Variants in INPP5F observed in about 807,000 individuals in gnomAD.
INPP5F encodes phosphatidylinositide 4-phosphatase SAC2.
In INPP5F, 97 loss-of-function variants were observed where a neutral mutation model predicts 137.2. That is an observed-to-expected ratio of 0.71 (90% CI 0.60 to 0.84). The LOEUF (loss-of-function observed/expected upper bound fraction) is 0.84. Ranked by LOEUF, INPP5F falls within the 40% of genes least tolerant of loss-of-function variation. The probability of loss-of-function intolerance (pLI) is 0.00; values close to 1 mark genes in which losing one functional copy is unlikely to be tolerated. For synonymous variants in INPP5F, 504 were observed against 476.9 expected, an observed-to-expected ratio of 1.06 and a Z score of -0.74; for missense variants, 1,271 against 1,371.9, an observed-to-expected ratio of 0.93 and a Z score of 1.16.
intron 18 of INPP5F, 53 bp from the exon 19 acceptor site, chr10:119,823,762 T>A: frequency 1.4e-6 from 2 of 1,412,028 alleles, no homozygotes; most frequent in South Asian, 2.4e-5. Context: ...GAACTGCTAT[T>A]TTTTTTAGTA....
chr10:119,768,147 GTATTTAAA>G, intron 2 of INPP5F: 1 of 152,196 alleles, frequency 6.6e-6, no homozygotes, highest in South Asian at 2.1e-4. Flanking sequence ...AGAAATGTTT[GTATTTAAA>G]TATTATGCTA....
chr10:119,726,781 C>T (rs1372904968), intron 1 of INPP5F, among the ~76,000 whole-genome samples: 3 of 152,254 alleles, frequency 2.0e-5, no homozygotes, highest in East Asian at 1.9e-4. Flanking sequence ...GCGGTTGCGC[C>T]AGTTCCGTCT....
At chr10:119,792,112 C>T in intron 5 of INPP5F, 45 bp from the exon 6 acceptor site, 1 of 1,614,058 alleles carries the variant, frequency 6.2e-7, no homozygotes, top group East Asian at 2.2e-5. Context: ...TGTAGGAAAA[C>T]TGAAATAATG....
chr10:119,811,967 T>A lies in INPP5F; in HGVS notation c.1886+12T>A. 1 of 1,610,212 alleles carries A rather than the reference T, an allele frequency of 6.2e-7. No individual in the cohort carries two copies. Among genetic ancestry groups the A allele is most frequent in the Non-Finnish European group, 8.5e-7 (1 of 1,176,650 alleles). On this transcript the variant is annotated intron_variant, in intron 15 of 19. Coordinates refer to ENST00000650623, the MANE Select transcript of INPP5F (RefSeq NM_014937.4). ...GACTGTGACCCTAGGTGAGTTGGAG[T>A]GGTGTCCAGGTGACCAGCTTGCTTA... is the stretch of plus-strand genomic sequence containing the variant.
chr10:119,753,488 T>C (rs1335712180), intron 2 of INPP5F, among the ~76,000 whole-genome samples: 3 of 152,200 alleles, frequency 2.0e-5, no homozygotes, highest in Non-Finnish European at 4.4e-5. Flanking sequence ...GCTGGGGTCA[T>C]TCACGTAGCA....
intron 2 of INPP5F, among the ~76,000 whole-genome samples, chr10:119,774,366 T>C (rs1011807569): frequency 2.6e-5 from 4 of 151,974 alleles, no homozygotes; most frequent in Admixed American, 2.6e-4. Flanking sequence ...AAGTTTGAAA[T>C]GTTGAACCTG....
At position 119,726,053 on chromosome 10, in the gene INPP5F, A is replaced by G; in HGVS notation, c.-210A>G. The G allele has an allele frequency of 2.8e-6, 1 of 354,986 alleles. No homozygotes were observed. The highest frequency in any genetic ancestry group is 5.0e-6 in the Non-Finnish European group (1 of 198,954). 22.0% of individuals were successfully genotyped at this position (354,986 alleles called of 1,614,324 possible). A position where few individuals can be genotyped will look rare whatever the true frequency, so the allele number is the denominator to read the frequency against. ...AGGGAAGGGGAGGAGCGGGGGGGAG[A>G]GGCCTCTACGGCCGCCGCTGCCGCC... On this transcript the variant is annotated 5_prime_UTR_variant, in exon 1 of 20. Transcript: ENST00000650623.
chr10:119,794,425 A>G (rs1173852442), intron 6 of INPP5F, among the ~76,000 whole-genome samples: 1 of 152,046 alleles, frequency 6.6e-6, no homozygotes, highest in Non-Finnish European at 1.5e-5. Flanking sequence ...ACCTCTTTCT[A>G]CACAGACACG....
intron 11 of INPP5F, 118 bp downstream of exon 11, chr10:119,805,579 C>A: frequency 1.4e-6 from 1 of 707,324 alleles, no homozygotes; most frequent in Non-Finnish European, 2.4e-6. Context: ...GTTTTGCTTC[C>A]CAGTTCCTAT....
At chr10:119,749,130 C>A (rs988214559) in intron 1 of INPP5F, among the ~76,000 whole-genome samples, 1 of 152,232 alleles carries the variant, frequency 6.6e-6, no homozygotes, top group African/African-American at 2.4e-5. Context: ...GTGCTGGGAG[C>A]AGGGAGAGAG....
At chr10:119,821,357 T>TGC (rs1851553957) in intron 16 of INPP5F, among the ~76,000 whole-genome samples, 1 of 151,902 alleles carries the variant, frequency 6.6e-6, no homozygotes, top group African/African-American at 2.4e-5. Flanking sequence ...TGTGTGTGTG[T>TGC]GTGCATGTGC....
chr10:119,735,987 G>A (rs1373836769), intron 1 of INPP5F, among the ~76,000 whole-genome samples: 4 of 152,152 alleles, frequency 2.6e-5, no homozygotes, highest in African/African-American at 4.8e-5. Flanking sequence ...AAAATTAGGC[G>A]GGTGTGGTGG....
intron 3 of INPP5F, among the ~76,000 whole-genome samples, chr10:119,782,177 A>G (rs1206793488): frequency 1.3e-5 from 2 of 152,236 alleles, no homozygotes; most frequent in Non-Finnish European, 2.9e-5. Context: ...AAAATTTTCT[A>G]AGCATATATT....
chr10:119,798,526 G>A lies in INPP5F; in HGVS notation c.1049-17G>A. 4 of 1,593,734 alleles carry A rather than the reference G, an allele frequency of 2.5e-6. No individual in the cohort carries two copies. Among genetic ancestry groups the A allele is most frequent in the African/African-American group, 1.3e-5 (1 of 74,404 alleles). ...AACATGGGAAGGAAAAAAAGATTTTGTATCACTTCTTTGTAGGTGAAAAGG... is the reference window on the plus strand; with the variant it reads ...AACATGGGAAGGAAAAAAAGATTTTATATCACTTCTTTGTAGGTGAAAAGG... On this transcript the variant is annotated splice_polypyrimidine_tract_variant and intron_variant, in intron 8 of 19. Coordinates refer to ENST00000650623, the MANE Select transcript of INPP5F (RefSeq NM_014937.4).
intron 2 of INPP5F, among the ~76,000 whole-genome samples, chr10:119,769,829 T>A (rs1849285323): frequency 6.6e-6 from 1 of 152,172 alleles, no homozygotes; most frequent in Non-Finnish European, 1.5e-5. Flanking sequence ...CACCACAGGC[T>A]TTTCTGGTTC....
rs1447939806 is a variant in INPP5F, at chr10:119,797,653, A to G, written c.1048+13A>G. The G allele has an allele frequency of 1.9e-6, 3 of 1,575,264 alleles. No individual in the cohort carries two copies. The highest frequency in any genetic ancestry group is 1.2e-5 in the South Asian group (1 of 84,794). On this transcript the variant is annotated intron_variant, in intron 8 of 19. Coordinates refer to ENST00000650623, the MANE Select transcript of INPP5F (RefSeq NM_014937.4). ...CGGCTGGACAGAAGTAAGCAGGTCA[A>G]TTATTGGGTTTGCAAATGATGATTT... is the stretch of plus-strand genomic sequence containing the variant.
Position 119,827,654 on chromosome 10 carries a change from T to G in INPP5F, c.3273T>G (p.His1091Gln). ...VASITQAGLTHGINFAVSKVQ... is the reference protein window; with the variant it reads ...VASITQAGLTQGINFAVSKVQ... ...GTATTACCCAAGCTGGATTAACCCA[T>G]GGGATAAACTTTGCAGTGTCAAAAG... is the stretch of plus-strand genomic sequence containing the variant. Residue 1091 changes from histidine (H) to glutamine (Q), a missense_variant, in exon 20 of 20, where the codon CAT becomes CAG. This residue lies in a region of INPP5F where 490 missense variants were observed against 443.7 expected (regional missense o/e 1.10). Transcript: ENST00000650623. The G allele has an allele frequency of 6.2e-7, 1 of 1,614,130 alleles. No individual in the cohort carries two copies. The highest frequency in any genetic ancestry group is 8.5e-7 in the Non-Finnish European group (1 of 1,180,008).
At chr10:119,726,733 C>T (rs895003005) in intron 1 of INPP5F, among the ~76,000 whole-genome samples, 3 of 152,232 alleles carry the variant, frequency 2.0e-5, no homozygotes, top group African/African-American at 4.8e-5. Context: ...TCTTACATGG[C>T]CTTCGCCAGA....
At chr10:119,752,218 A>G (rs1848708120) in intron 2 of INPP5F, among the ~76,000 whole-genome samples, 1 of 152,196 alleles carries the variant, frequency 6.6e-6, no homozygotes, top group Non-Finnish European at 1.5e-5. Flanking sequence ...TTACAAATTC[A>G]AAAAGCTGTT....
Sources: allele counts gnomAD v4.1 joint callset (sites outside exome capture counted in the v4.1 genomes callset), GRCh38; gene constraint gnomAD v4.1.1; regional missense constraint gnomAD v4.1.1; transcripts MANE v1.5; gene names NCBI Gene and HGNC (gene_info 2026-07-23, HGNC 2026-07-21).